The following ADAMTS19 variants were observed in gnomAD, a reference collection of about 807,000 sequenced individuals.
ADAMTS19 encodes A disintegrin and metalloproteinase with thrombospondin motifs 19.
In ADAMTS19, 93 loss-of-function variants were observed where a neutral mutation model predicts 153.3. The ratio of observed to expected loss-of-function variants is 0.61; its 90% CI spans 0.51 to 0.72. The LOEUF (loss-of-function observed/expected upper bound fraction) is 0.72, where lower values mean the gene tolerates loss of function less well. Among genes scored for constraint, ADAMTS19 ranks in the 30% least tolerant of loss-of-function variants. The pLI, the probability that ADAMTS19 is intolerant of heterozygous loss-of-function variation, is 0.00. For synonymous variants in ADAMTS19, 600 were observed against 556.6 expected (o/e 1.08, Z -1.10); for missense variants, 1,482 against 1,552.1 (o/e 0.95, Z 0.76).
chr5:129,651,481 A>C (rs190842970), intron 13 of ADAMTS19, among the ~76,000 whole-genome samples: 5 of 152,230 alleles, frequency 3.3e-5, no homozygotes, highest in Non-Finnish European at 4.4e-5. Context: ...TCTTTTATAG[A>C]ATCCTATATG....
At chr5:129,609,370 A>G (rs772841601) in intron 8 of ADAMTS19, among the ~76,000 whole-genome samples, 58 of 152,322 alleles carry the variant, frequency 3.8e-4, no homozygotes, top group Non-Finnish European at 6.9e-4. Context: ...GTCATGGCAC[A>G]ATGATTGGCA....
chr5:129,590,587 T>A (rs1750083156), intron 7 of ADAMTS19, among the ~76,000 whole-genome samples: 1 of 152,182 alleles, frequency 6.6e-6, no homozygotes, highest in Non-Finnish European at 1.5e-5. Context: ...TCTAGAAGGC[T>A]TTTTTAAAAA....
chr5:129,500,189 T>C (rs1751052028), intron 2 of ADAMTS19, among the ~76,000 whole-genome samples: 1 of 152,124 alleles, frequency 6.6e-6, no homozygotes. Context: ...TAGAAGAAAT[T>C]ACATCCAGTG....
At chr5:129,691,860 G>T (rs564933941) in intron 18 of ADAMTS19, among the ~76,000 whole-genome samples, 126 of 152,214 alleles carry the variant, frequency 8.3e-4, no homozygotes, top group African/African-American at 2.8e-3. Context: ...ATCTCAGTAC[G>T]TAAGCAGTAG....
At chr5:129,522,818 G>A (rs1275588414) in intron 3 of ADAMTS19, among the ~76,000 whole-genome samples, 1 of 152,064 alleles carries the variant, frequency 6.6e-6, no homozygotes, top group Non-Finnish European at 1.5e-5. Context: ...CACTTTGGGA[G>A]GCCAAGGCAG....
intron 10 of ADAMTS19, among the ~76,000 whole-genome samples, chr5:129,630,403 A>G (rs1752234834): frequency 6.6e-6 from 1 of 152,092 alleles, no homozygotes; most frequent in Non-Finnish European, 1.5e-5. Context: ...GGTGTTGACG[A>G]AAGGAGAGAC....
rs537217853 is a variant in ADAMTS19, at chr5:129,712,053, T to C, written c.3312+7662T>C. On this transcript the variant is annotated intron_variant, in intron 21 of 22. Transcript: ENST00000274487. Reference sequence around the variant, plus strand: ...GTGTAGATTGAAACTAAACTGAAATTATCTATAACATAGGGAATTATTCCT... The same window carrying C: ...GTGTAGATTGAAACTAAACTGAAATCATCTATAACATAGGGAATTATTCCT... Among the ~76,000 whole-genome samples, 321 of 151,802 alleles carry C rather than the reference T, an allele frequency of 2.1e-3. 2 individuals carry two copies. Among genetic ancestry groups the C allele is most frequent in the African/African-American group, 7.4e-3 (308 of 41,366 alleles).
chr5:129,728,234 G>C (rs116025542), intron 21 of ADAMTS19, among the ~76,000 whole-genome samples: 1,837 of 152,232 alleles, frequency 0.012, 32 homozygotes, highest in African/African-American at 0.04. Flanking sequence ...GCCCACCTCT[G>C]TCCCGGAAAA....
chr5:129,570,486 A>T (rs1174209848), intron 7 of ADAMTS19, among the ~76,000 whole-genome samples: 1 of 151,914 alleles, frequency 6.6e-6, no homozygotes, highest in Non-Finnish European at 1.5e-5. Flanking sequence ...TAGTAAATTA[A>T]AGAAAAAATT....
intron 7 of ADAMTS19, among the ~76,000 whole-genome samples, chr5:129,578,500 G>T (rs1190824400): frequency 6.6e-6 from 1 of 151,712 alleles, no homozygotes; most frequent in African/African-American, 2.4e-5. Context: ...TGCAGAATGT[G>T]CAGGTTACAT....
intron 14 of ADAMTS19, among the ~76,000 whole-genome samples, chr5:129,655,256 G>A (rs1458800903): frequency 1.3e-5 from 2 of 152,180 alleles, no homozygotes; most frequent in Non-Finnish European, 2.9e-5. Flanking sequence ...TGGGGCTTGA[G>A]AGTTGTTACC....
chr5:129,648,995 T>C, intron 13 of ADAMTS19, 25 bp downstream of exon 13: 1 of 1,540,248 alleles, frequency 6.5e-7, no homozygotes, highest in Non-Finnish European at 8.8e-7. Flanking sequence ...ATCACCACCA[T>C]CTTTGTTAAC....
intron 16 of ADAMTS19, among the ~76,000 whole-genome samples, chr5:129,677,564 C>T (rs30650): frequency 0.15 from 22,309 of 152,016 alleles, 1,810 homozygotes; most frequent in East Asian, 0.3. Flanking sequence ...CCATCATAAC[C>T]CATCTGTTTT....
intron 21 of ADAMTS19, among the ~76,000 whole-genome samples, chr5:129,721,909 A>C (rs571174456): frequency 1.2e-4 from 18 of 152,264 alleles, no homozygotes; most frequent in Non-Finnish European, 2.4e-4. Flanking sequence ...AGCTGTATCC[A>C]TGTCCCTGCA....
intron 8 of ADAMTS19, among the ~76,000 whole-genome samples, chr5:129,608,088 A>G (rs2015323): frequency 0.62 from 59,920 of 96,248 alleles, 17,891 homozygotes; most frequent in Non-Finnish European, 0.7. Flanking sequence ...AATTTTATAT[A>G]TATGTGTGTG....
At chr5:129,496,972 C>T (rs771142244) in intron 2 of ADAMTS19, among the ~76,000 whole-genome samples, 1 of 152,200 alleles carries the variant, frequency 6.6e-6, no homozygotes, top group Admixed American at 6.6e-5. Flanking sequence ...GTTGTTATGA[C>T]TTTGGAGAAT....
At chr5:129,502,611 A>G (rs548946340) in intron 2 of ADAMTS19, among the ~76,000 whole-genome samples, 1 of 152,198 alleles carries the variant, frequency 6.6e-6, no homozygotes, top group African/African-American at 2.4e-5. Context: ...TCATCTGAAA[A>G]GTTTTCCTAA....
chr5:129,554,846 G>A (rs1753258591), intron 7 of ADAMTS19, among the ~76,000 whole-genome samples: 1 of 152,116 alleles, frequency 6.6e-6, no homozygotes, highest in Admixed American at 6.6e-5. Context: ...AAGAGAAAAT[G>A]CTGGTAAACT....
At chr5:129,534,239 T>G (rs1279977967) in intron 6 of ADAMTS19, among the ~76,000 whole-genome samples, 2 of 152,138 alleles carry the variant, frequency 1.3e-5, no homozygotes, top group African/African-American at 4.8e-5. Flanking sequence ...TAAGTCTCTT[T>G]GTAGGTCACT....
Sources: allele counts gnomAD v4.1 joint callset (sites outside exome capture counted in the v4.1 genomes callset), GRCh38; gene constraint gnomAD v4.1.1; transcripts MANE v1.5; gene names NCBI Gene and HGNC (gene_info 2026-07-23, HGNC 2026-07-21).